Variants in CCNT2 observed in about 807,000 individuals in gnomAD.
CCNT2 encodes cyclin T2.
CCNT2 carries 18 observed loss-of-function variants against 70.0 expected under a neutral mutation model. The observed-to-expected ratio is 0.26, with a 90% CI of 0.18 to 0.38. The LOEUF (loss-of-function observed/expected upper bound fraction) is 0.38. Among genes scored for constraint, CCNT2 ranks in the 10% least tolerant of loss-of-function variants. The probability of loss-of-function intolerance (pLI) is 1.00; values close to 1 mark genes in which losing one functional copy is unlikely to be tolerated. For synonymous variants in CCNT2, 334 were observed against 313.3 expected, an observed-to-expected ratio of 1.07 and a Z score of -0.70; for missense variants, 734 against 890.2, an observed-to-expected ratio of 0.82 and a Z score of 2.23.
At chr2:134,941,959 A>G (rs954831693) in intron 4 of CCNT2, among the ~76,000 whole-genome samples, 1 of 152,164 alleles carries the variant, frequency 6.6e-6, no homozygotes, top group African/African-American at 2.4e-5. Context: ...GCTTCTGAAG[A>G]CAACCAAATG....
At chr2:134,943,650 T>C in intron 5 of CCNT2, 1 of 984,622 alleles carries the variant, frequency 1.0e-6, no homozygotes, top group African/African-American at 1.7e-5. Context: ...TAGTATCTGA[T>C]ACAGCATTTT....
Position 134,956,508 on chromosome 2 carries a change from C to T in CCNT2, c.*1860C>T, listed in dbSNP as rs924955404. ...ACATGGTAATTTTGATACAGTTATA[C>T]TTTTACAGTGGTACATAATCCAAGG... On this transcript the variant is annotated 3_prime_UTR_variant, in exon 9 of 9. Coordinates refer to ENST00000264157, the MANE Select transcript of CCNT2 (RefSeq NM_058241.3). 6.6e-6 allele frequency: 1 copy of T among 152,324 alleles called. No homozygotes were observed. The highest frequency in any genetic ancestry group is 2.4e-5 in the African/African-American group (1 of 41,396). The allele number at this position is 152,324 out of a possible 1,614,324, so 9.4% of individuals were successfully genotyped here. A position where few individuals can be genotyped will look rare whatever the true frequency, so the allele number is the denominator to read the frequency against.
At position 134,927,324 on chromosome 2, in the gene CCNT2, A is replaced by G. The variant is rs1407339252; in HGVS notation, c.240+7433A>G. Among the ~76,000 whole-genome samples the G allele has an allele frequency of 2.0e-5, 3 of 152,282 alleles. No homozygotes were observed. The East Asian group carries it at 5.8e-4, about 29-fold the overall frequency. ...CTTAAAATTTTTTTTTGCAAAATTA[A>G]ATGATTGTGAAATAACTCATACCTT... On this transcript the variant is annotated intron_variant, in intron 2 of 8. Transcript: ENST00000264157.
chr2:134,941,942 A>G (rs1030374887), intron 4 of CCNT2, among the ~76,000 whole-genome samples: 5 of 152,172 alleles, frequency 3.3e-5, no homozygotes, highest in Non-Finnish European at 5.9e-5. Context: ...GATTTTATTT[A>G]CTTACTGCTT....
Position 134,953,420 on chromosome 2 carries a change from T to A in CCNT2, c.965T>A (p.Val322Asp). Residue 322 changes from valine (V) to aspartate (D), a missense_variant, in exon 9 of 9, where the codon GTT becomes GAT. Coordinates refer to ENST00000264157, the MANE Select transcript of CCNT2 (RefSeq NM_058241.3). ...CCTCTAAATTCAGGAAATATTTCTG[T>A]TCAAGACAGCCATACATCTGATAAT... ...PVPLNSGNIS[V>D]QDSHTSDNLS... is the part of the protein sequence containing the mutation. 1 of 1,609,324 alleles carries A rather than the reference T, an allele frequency of 6.2e-7. No individual in the cohort carries two copies. The highest frequency in any genetic ancestry group is 1.1e-5 in the South Asian group (1 of 90,452).
intron 2 of CCNT2, among the ~76,000 whole-genome samples, chr2:134,921,353 AT>A (rs66839618): frequency 4.7e-5 from 7 of 150,466 alleles, no homozygotes; most frequent in African/African-American, 1.2e-4. Flanking sequence ...TTATTTATTA[AT>A]TTTTTTTTTA....
intron 2 of CCNT2, among the ~76,000 whole-genome samples, chr2:134,935,625 T>C (rs896083447): frequency 6.6e-6 from 1 of 152,192 alleles, no homozygotes; most frequent in African/African-American, 2.4e-5. Context: ...CCATGGGAAA[T>C]TTCTTGAATG....
At chr2:134,936,080 A>G (rs780088695) in intron 2 of CCNT2, among the ~76,000 whole-genome samples, 2 of 151,832 alleles carry the variant, frequency 1.3e-5, no homozygotes, top group African/African-American at 2.4e-5. Flanking sequence ...GATTTTTTAA[A>G]AGAGTATTAG....
intron 2 of CCNT2, among the ~76,000 whole-genome samples, chr2:134,924,518 C>T (rs1372014753): frequency 1.3e-5 from 2 of 152,044 alleles, no homozygotes; most frequent in Admixed American, 6.5e-5. Context: ...GGTGCAATCT[C>T]GGCTCGCTGC....
At chr2:134,947,520 A>G (rs1352213269) in intron 6 of CCNT2, among the ~76,000 whole-genome samples, 1 of 152,172 alleles carries the variant, frequency 6.6e-6, no homozygotes, top group Non-Finnish European at 1.5e-5. Context: ...TATTAGTAAT[A>G]TACTCGGGAG....
At chr2:134,949,813 T>TGGGGGGGGGGGGGGGGGGGG (rs1573857469) in intron 7 of CCNT2, among the ~76,000 whole-genome samples, 1 of 70,708 alleles carries the variant, frequency 1.4e-5, no homozygotes, top group Non-Finnish European at 2.7e-5. Flanking sequence ...GGGGGGGGGG[T>TGGGGGGGGGGGGGGGGGGGG]GGGGGACAGA....
intron 5 of CCNT2, chr2:134,943,501 T>TA (rs1405727549): frequency 1.0e-6 from 1 of 984,028 alleles, no homozygotes; most frequent in African/African-American, 1.7e-5. Context: ...TTGACATTAC[T>TA]AAAAGTGGTT....
intron 7 of CCNT2, among the ~76,000 whole-genome samples, chr2:134,949,861 T>C (rs1469349691): frequency 2.7e-5 from 4 of 150,578 alleles, no homozygotes; most frequent in African/African-American, 9.8e-5. Context: ...GGTGGCGCAA[T>C]CTCGGCTCGC....
At chr2:134,930,871 T>A (rs541936407) in intron 2 of CCNT2, among the ~76,000 whole-genome samples, 1 of 152,316 alleles carries the variant, frequency 6.6e-6, no homozygotes, top group East Asian at 1.9e-4. Context: ...AAGATTTATT[T>A]GTCTTTTCTT....
chr2:134,949,361 A>G (rs1010751794), intron 7 of CCNT2, among the ~76,000 whole-genome samples: 1 of 152,228 alleles, frequency 6.6e-6, no homozygotes, highest in Admixed American at 6.5e-5. Context: ...TGTTGCAACT[A>G]TACAACTATA....
At chr2:134,919,224 C>T (rs1009592135) in intron 1 of CCNT2, among the ~76,000 whole-genome samples, 22 of 152,180 alleles carry the variant, frequency 1.4e-4, no homozygotes, top group Admixed American at 5.9e-4. Flanking sequence ...CAGGAGCCTG[C>T]GTTGTGTAAT....
rs78011723 is a variant in CCNT2, at chr2:134,941,647, T to C, written c.431-965T>C. Among the ~76,000 whole-genome samples, 384 of 152,316 alleles carry C rather than the reference T, an allele frequency of 2.5e-3. 1 individual carries two copies. The highest frequency in any genetic ancestry group is 8.7e-3 in the African/African-American group (363 of 41,574). The stretch of plus-strand genomic sequence containing the variant: ...AATCCAATGATTTAGCATGTTATTG[T>C]TTTACTATACAAAATTATATAAATT... On this transcript the variant is annotated intron_variant, in intron 4 of 8. Transcript: ENST00000264157.
intron 6 of CCNT2, 41 bp from the exon 7 acceptor site, chr2:134,947,695 A>G: frequency 7.3e-7 from 1 of 1,375,662 alleles, no homozygotes; most frequent in Admixed American, 2.5e-5. Flanking sequence ...TACATACTTG[A>G]ATTTTTATGG....
At chr2:134,923,447 G>C (rs1431493014) in intron 2 of CCNT2, among the ~76,000 whole-genome samples, 1 of 152,092 alleles carries the variant, frequency 6.6e-6, no homozygotes. Flanking sequence ...CTGCCTTTTA[G>C]TTTAATAAAG....
Sources: gnomAD v4.1 joint callset for allele counts (sites outside exome capture counted in the v4.1 genomes callset) on GRCh38, gnomAD v4.1.1 for gene constraint, MANE v1.5 for transcripts, NCBI Gene and HGNC (gene_info 2026-07-23, HGNC 2026-07-21) for gene names.